Variants in JAG2 observed in about 807,000 individuals in gnomAD.
JAG2 encodes the protein protein jagged-2.
A neutral mutation model predicts 141.7 loss-of-function variants in JAG2; 46 were observed. The observed-to-expected ratio is 0.32, with a 90% CI of 0.26 to 0.42. The LOEUF (loss-of-function observed/expected upper bound fraction) is 0.42. Ranked by LOEUF, JAG2 falls within the 10% of genes least tolerant of loss-of-function variation. The probability of loss-of-function intolerance (pLI) is 1.00; values close to 1 mark genes in which losing one functional copy is unlikely to be tolerated. For synonymous variants in JAG2, 862 were observed against 763.5 expected (o/e 1.13, Z -2.13); for missense variants, 1,500 against 1,817.5 (o/e 0.83, Z 3.18).
Position 105,143,416 on chromosome 14 carries a change from G to C in JAG2, c.3241+66C>G. 5.9e-6 allele frequency: 9 copies of C among 1,513,206 alleles called. No homozygotes were observed. The South Asian group carries it at 1.1e-4, about 18-fold the overall frequency. 93.7% of individuals were successfully genotyped at this position (1,513,206 alleles called of 1,614,324 possible). A position where few individuals can be genotyped will look rare whatever the true frequency, so the allele number is the denominator to read the frequency against. ...GCTGGCAGGATCGGCAGGATCGGCC[G>C]GCTCTGTGCCCAATGCCTGAGTTGC... On this transcript the variant is annotated intron_variant, in intron 25 of 25. Coordinates refer to ENST00000331782, the MANE Select transcript of JAG2 (RefSeq NM_002226.5).
rs776817997 is a variant in JAG2, at chr14:105,154,276, G to A, written c.788+1286C>T. 2.0e-5 allele frequency among the ~76,000 whole-genome samples: 3 copies of A among 152,326 alleles called. No individual in the cohort carries two copies. Among genetic ancestry groups the A allele is most frequent in the Non-Finnish European group, 2.9e-5 (2 of 68,020 alleles). The stretch of plus-strand genomic sequence containing the variant: ...CATGGAGGCAAACCCACTCCACAGA[G>A]GGAGGTCCTGGGACCCCTGCAATCC... On this transcript the variant is annotated intron_variant, in intron 5 of 25. Coordinates refer to ENST00000331782, the MANE Select transcript of JAG2 (RefSeq NM_002226.5). The surrounding 1 kb of genome is among the most constrained non-coding windows in gnomAD (Gnocchi z 4.4).
rs954216039 is a variant in JAG2, at chr14:105,167,032, C to A, written c.417+725G>T. On this transcript the variant is annotated intron_variant, in intron 2 of 25. Coordinates refer to ENST00000331782, the MANE Select transcript of JAG2 (RefSeq NM_002226.5). This position sits in a 1 kb window ranked among gnomAD's most constrained non-coding sequence, Gnocchi z 4.8. Reference sequence around the variant, plus strand: ...CCTGTTTCCCAGTGACACTGGACCCCTACCACCCCTCCTCCCAGCACGCCC... The same window carrying A: ...CCTGTTTCCCAGTGACACTGGACCCATACCACCCCTCCTCCCAGCACGCCC... Among the ~76,000 whole-genome samples the A allele has an allele frequency of 3.3e-5, 5 of 152,158 alleles. No individual in the cohort carries two copies. The highest frequency in any genetic ancestry group is 2.6e-4 in the Admixed American group (4 of 15,286).
intron 2 of JAG2, among the ~76,000 whole-genome samples, chr14:105,162,516 G>C (rs1888778966): frequency 6.6e-6 from 1 of 151,894 alleles, no homozygotes; most frequent in South Asian, 2.1e-4. Context: ...CCAAAGCCCA[G>C]AGTATCCCAC....
chr14:105,158,064 G>GCA (rs2140987384), intron 2 of JAG2, among the ~76,000 whole-genome samples: 1 of 152,192 alleles, frequency 6.6e-6, no homozygotes, highest in South Asian at 2.1e-4. Context: ...TCAGCACGGA[G>GCA]CACAGGAAGA....
At chr14:105,165,945 C>T (rs1888895888) in intron 2 of JAG2, among the ~76,000 whole-genome samples, 1 of 152,208 alleles carries the variant, frequency 6.6e-6, no homozygotes, top group Non-Finnish European at 1.5e-5. Context: ...GGGACTGCCG[C>T]CGCCCGAGTG....
At chr14:105,166,947 G>A (rs1315702423) in intron 2 of JAG2, among the ~76,000 whole-genome samples, 2 of 152,138 alleles carry the variant, frequency 1.3e-5, no homozygotes, top group Non-Finnish European at 1.5e-5. Flanking sequence ...GAGGTAAGGC[G>A]CCCGAGGCCT....
At chr14:105,156,198 C>G (rs1287060556) in intron 3 of JAG2, among the ~76,000 whole-genome samples, 1 of 95,098 alleles carries the variant, frequency 1.1e-5, no homozygotes, top group African/African-American at 3.5e-5. Context: ...CAAGCCTGCG[C>G]CCCGCTCCCA....
chr14:105,165,539 G>A (rs1030853562), intron 2 of JAG2, among the ~76,000 whole-genome samples: 1 of 152,192 alleles, frequency 6.6e-6, no homozygotes, highest in Non-Finnish European at 1.5e-5. Context: ...ACCCACTGAG[G>A]GAAGCTGAGC....
At chr14:105,143,696 T>G in intron 24 of JAG2, 58 bp from the exon 25 acceptor site, 1 of 1,587,508 alleles carries the variant, frequency 6.3e-7, no homozygotes, top group Non-Finnish European at 8.5e-7. Flanking sequence ...CCCAGCAGCC[T>G]GCCCCCAACA....
At chr14:105,155,419 C>T (rs902197939) in intron 5 of JAG2, 143 bp downstream of exon 5, 3 of 903,890 alleles carry the variant, frequency 3.3e-6, no homozygotes, top group African/African-American at 3.2e-5. Flanking sequence ...TAAGGAGCCT[C>T]CCGAGCTCAG....
rs1888457998 is a variant in JAG2 at position 105,152,228 on chromosome 14, A to G, written c.852T>C (p.His284=). ...DECVPYPGCV[H]GSCVEPWQCN... ...ACTGCCAGGGCTCCACACAACTGCC[A>G]TGCACGCAGCCGGGGTAGGGGACAC... Residue 284 remains histidine (H), a synonymous_variant, in exon 6 of 26, where the codon CAT becomes CAC. Transcript: ENST00000331782. 6.2e-7 allele frequency: 1 copy of G among 1,613,594 alleles called. No individual in the cohort carries two copies. Among genetic ancestry groups the G allele is most frequent in the Non-Finnish European group, 8.5e-7 (1 of 1,180,014 alleles).
At chr14:105,148,704 G>A in intron 15 of JAG2, 41 bp downstream of exon 15, 2 of 1,482,714 alleles carry the variant, frequency 1.3e-6, no homozygotes, top group African/African-American at 1.4e-5. Flanking sequence ...GCCCACAGGG[G>A]TGGAGGCACA....
At chr14:105,147,196 C>A in intron 20 of JAG2, 130 bp downstream of exon 20, 1 of 745,104 alleles carries the variant, frequency 1.3e-6, no homozygotes. Flanking sequence ...GAAACTGAGG[C>A]TCAGAAGAGA....
chr14:105,151,237 C>T (rs1293140521), intron 9 of JAG2, 46 bp downstream of exon 9: 4 of 1,576,580 alleles, frequency 2.5e-6, no homozygotes, highest in Non-Finnish European at 3.5e-6. Context: ...CCCCCGCAGC[C>T]CGCATGCGCG....
In JAG2 at chr14:105,145,783, T is replaced by C; in HGVS notation, c.2900A>G (p.Asp967Gly). 1.9e-6 allele frequency: 3 copies of C among 1,581,342 alleles called. No homozygotes were observed. Among genetic ancestry groups the C allele is most frequent in the Non-Finnish European group, 2.6e-6 (3 of 1,164,202 alleles). ...CAAGGTGAGGCGGGCACAGTTATTG[T>C]CCAGGTGGCCGGAGCGTGGCAGGCA... ...TPCLPRSGHL[D>G]NNCARLTLHF... Residue 967 changes from aspartate to glycine, a missense_variant, in exon 23 of 26, where the codon GAC becomes GGC. Asp to Gly is a moderately conservative substitution (Grantham distance 94). Around this residue, in one of 3 missense-constraint regions of JAG2, gnomAD observed 425 missense variants for 441.0 expected, o/e 0.96. Transcript: ENST00000331782.
chr14:105,148,593 GCCTGGGACTC>G, intron 15 of JAG2, 142 bp downstream of exon 15: 1 of 873,890 alleles, frequency 1.1e-6, no homozygotes, highest in Middle Eastern at 3.4e-4. Flanking sequence ...CATGGGGGCA[GCCTGGGACTC>G]CACCCCATGG....
intron 1 of JAG2, 53 bp downstream of exon 1, chr14:105,168,302 G>C: frequency 1.4e-6 from 1 of 701,588 alleles, no homozygotes; most frequent in Non-Finnish European, 1.8e-6. Context: ...GCCCCTAGGG[G>C]CGGCCCGGTG....
At chr14:105,143,950 G>A (rs1160679548) in intron 24 of JAG2, among the ~76,000 whole-genome samples, 1 of 147,010 alleles carries the variant, frequency 6.8e-6, no homozygotes, top group African/African-American at 2.5e-5. Context: ...CCGGGCGCAC[G>A]GGACAGCCCA....
intron 12 of JAG2, 145 bp from the exon 13 acceptor site, chr14:105,149,465 A>G: frequency 1.1e-6 from 1 of 940,530 alleles, no homozygotes; most frequent in African/African-American, 1.6e-5. Flanking sequence ...AGAGCCCAAG[A>G]CCCCTGCCCA....
Sources: gnomAD v4.1 joint callset for allele counts (sites outside exome capture counted in the v4.1 genomes callset) on GRCh38, gnomAD v4.1.1 for gene constraint, gnomAD v4.1.1 regional missense constraint, Gnocchi (gnomAD v3.1) non-coding constraint, MANE v1.5 for transcripts, NCBI Gene and HGNC (gene_info 2026-07-23, HGNC 2026-07-21) for gene names.